ATP2A2: variants seen among roughly 807,000 people sequenced by gnomAD.
ATP2A2 encodes ATPase sarcoplasmic/endoplasmic reticulum Ca2+ transporting 2.
A neutral mutation model predicts 109.3 loss-of-function variants in ATP2A2; 14 were observed. That is an observed-to-expected ratio of 0.13 (90% CI 0.08 to 0.20). The LOEUF is 0.20. Ranked by LOEUF, ATP2A2 falls within the 10% of genes least tolerant of loss-of-function variation. The probability of loss-of-function intolerance (pLI) is 1.00; values close to 1 mark genes in which losing one functional copy is unlikely to be tolerated. For missense variants in ATP2A2, 657 were observed against 1,321.6 expected, an observed-to-expected ratio of 0.50 and a Z score of 7.80; for synonymous variants, 506 against 490.9, an observed-to-expected ratio of 1.03 and a Z score of -0.41.
At chr12:110,292,741 C>G (rs566664483) in intron 4 of ATP2A2, among the ~76,000 whole-genome samples, 1 of 152,218 alleles carries the variant, frequency 6.6e-6, no homozygotes, top group Non-Finnish European at 1.5e-5. Flanking sequence ...GAGCCATGAT[C>G]GTAACACTGC....
intron 3 of ATP2A2, among the ~76,000 whole-genome samples, chr12:110,286,432 A>C (rs555618334): frequency 6.6e-6 from 1 of 152,328 alleles, no homozygotes; most frequent in African/African-American, 2.4e-5. Context: ...TGATTGGTTT[A>C]ACTAGTTTAT....
At position 110,337,881 on chromosome 12, in the gene ATP2A2, T is replaced by C. The variant is rs184363662; in HGVS notation, c.1420-1400T>C. Among the ~76,000 whole-genome samples the C allele has an allele frequency of 7.9e-5, 12 of 152,354 alleles. 1 individual carries two copies. The highest frequency in any genetic ancestry group is 2.6e-4 in the Admixed American group (4 of 15,302). On this transcript the variant is annotated intron_variant, in intron 11 of 19. Coordinates refer to ENST00000539276, the MANE Select transcript of ATP2A2 (RefSeq NM_170665.4). Reference sequence around the variant, plus strand: ...GAATTCTCACCATTTCTATGCAGTATTATACTGGCATTCCTGGTCTGTGTA... The same window carrying C: ...GAATTCTCACCATTTCTATGCAGTACTATACTGGCATTCCTGGTCTGTGTA...
At chr12:110,298,813 T>TG (rs1242215877) in intron 5 of ATP2A2, among the ~76,000 whole-genome samples, 1 of 152,264 alleles carries the variant, frequency 6.6e-6, no homozygotes, top group Non-Finnish European at 1.5e-5. Context: ...TATGAACTGT[T>TG]GAAGGGTATA....
rs1398829002 is a variant in ATP2A2, at chr12:110,350,725, T to C, written c.*4255T>C. On this transcript the variant is annotated 3_prime_UTR_variant, in exon 20 of 20. Coordinates refer to ENST00000539276, the MANE Select transcript of ATP2A2 (RefSeq NM_170665.4). ...TAGCCAGATCCCTCTCCAGTGACAT[T>C]GGAACATGCTACTTTTTAATTGGCC... 2 of 242,634 alleles carry C rather than the reference T, an allele frequency of 8.2e-6. No individual in the cohort carries two copies. Among genetic ancestry groups the C allele is most frequent in the South Asian group, 5.8e-5 (1 of 17,206 alleles). 15.0% of individuals were successfully genotyped at this position (242,634 alleles called of 1,614,324 possible). A position where few individuals can be genotyped will look rare whatever the true frequency, so the allele number is the denominator to read the frequency against.
Position 110,311,120 on chromosome 12 carries a change from G to A in ATP2A2, c.464-11872G>A, listed in dbSNP as rs1875987659. On this transcript the variant is annotated intron_variant, in intron 5 of 19. Coordinates refer to ENST00000539276, the MANE Select transcript of ATP2A2 (RefSeq NM_170665.4). ...TTTTTTTTGCTTTTAGAAAGCTGTT[G>A]GGGTTGGAATTGACTGGCTTTAAAC... Among the ~76,000 whole-genome samples, 4 of 152,162 alleles carry A rather than the reference G, an allele frequency of 2.6e-5. No individual in the cohort carries two copies. The South Asian group carries it at 8.3e-4, about 32-fold the overall frequency.
chr12:110,283,016 A>C (rs1214417600), intron 3 of ATP2A2, among the ~76,000 whole-genome samples: 1 of 152,220 alleles, frequency 6.6e-6, no homozygotes, highest in African/African-American at 2.4e-5. Flanking sequence ...TGTGGTTAGG[A>C]GTTGTCCCAG....
At chr12:110,294,002 G>C (rs946572317) in intron 4 of ATP2A2, among the ~76,000 whole-genome samples, 1 of 149,884 alleles carries the variant, frequency 6.7e-6, no homozygotes, top group Non-Finnish European at 1.5e-5. Context: ...TCAGCTTCCC[G>C]AGTAGCTGGG....
At chr12:110,300,141 CCCCT>C in intron 5 of ATP2A2, among the ~76,000 whole-genome samples, 2 of 142,618 alleles carry the variant, frequency 1.4e-5, no homozygotes, top group African/African-American at 2.6e-5. Context: ...CCCCTCCCCT[CCCCT>C]CCTTCTGTCC....
rs1269970188 is a variant in ATP2A2 at position 110,349,548 on chromosome 12, G to C, written c.*3078G>C. On this transcript the variant is annotated 3_prime_UTR_variant, in exon 20 of 20. Coordinates refer to ENST00000539276, the MANE Select transcript of ATP2A2 (RefSeq NM_170665.4). ...TTGAGCTCAGTGAGCTCCCAGGCAA[G>C]CAGGGCATCTGGCCGACTTCCCTCA... The C allele has an allele frequency of 1.0e-6, 1 of 986,436 alleles. No individual in the cohort carries two copies. Among genetic ancestry groups the C allele is most frequent in the African/African-American group, 1.7e-5 (1 of 57,252 alleles). 61.1% of individuals were successfully genotyped at this position (986,436 alleles called of 1,614,324 possible).
At chr12:110,294,265 G>T (rs577298600) in intron 4 of ATP2A2, among the ~76,000 whole-genome samples, 2 of 152,022 alleles carry the variant, frequency 1.3e-5, no homozygotes, top group Admixed American at 6.6e-5. Flanking sequence ...GGATGGTCTC[G>T]ATCTCCTGAC....
At chr12:110,292,992 A>G (rs1322596818) in intron 4 of ATP2A2, among the ~76,000 whole-genome samples, 3 of 152,152 alleles carry the variant, frequency 2.0e-5, no homozygotes, top group African/African-American at 4.8e-5. Context: ...AGTGCTTACT[A>G]CAGACTCTGA....
rs2137889327 is a variant in ATP2A2 at position 110,350,559 on chromosome 12, T to C, written c.*4089T>C. On this transcript the variant is annotated 3_prime_UTR_variant, in exon 20 of 20. Transcript: ENST00000539276. ...AGCCTCTCCAGAGAAGTTTGGTTTC[T>C]TTGCTGCAAGAGGAATGAGGCTCTG... The C allele has an allele frequency of 1.7e-6, 1 of 597,418 alleles. No homozygotes were observed. Among genetic ancestry groups the C allele is most frequent in the Admixed American group, 3.1e-5 (1 of 31,916 alleles). The allele number at this position is 597,418 out of a possible 1,614,324, so 37.0% of individuals were successfully genotyped here.
At chr12:110,293,699 C>T (rs12301974) in intron 4 of ATP2A2, among the ~76,000 whole-genome samples, 3 of 151,592 alleles carry the variant, frequency 2.0e-5, no homozygotes, top group Non-Finnish European at 2.9e-5. Context: ...CCCGACACAT[C>T]TTATAAACAT....
chr12:110,347,296 T>TA lies in ATP2A2; in HGVS notation c.*830dup. 3.2e-6 allele frequency: 4 copies of TA among 1,262,010 alleles called. No homozygotes were observed. Among genetic ancestry groups the TA allele is most frequent in the Non-Finnish European group, 4.1e-6 (4 of 972,530 alleles). 78.2% of individuals were successfully genotyped at this position (1,262,010 alleles called of 1,614,324 possible). A position where few individuals can be genotyped will look rare whatever the true frequency, so the allele number is the denominator to read the frequency against. On this transcript the variant is annotated 3_prime_UTR_variant, in exon 20 of 20. Transcript: ENST00000539276. ...GGCACGTCATCTAGTTTTAAAAAAA[T>TA]AAAACATTTTAAATGGACAGAGAAA...
upstream of ATP2A2, chr12:110,280,921 C>G (rs1188858445): frequency 6.6e-6 from 1 of 152,520 alleles, no homozygotes; most frequent in East Asian, 1.9e-4. Context: ...CCACCGGCCC[C>G]AGAGCAGCGT....
At chr12:110,309,690 G>C (rs1875793049) in intron 5 of ATP2A2, among the ~76,000 whole-genome samples, 1 of 152,026 alleles carries the variant, frequency 6.6e-6, no homozygotes, top group African/African-American at 2.4e-5. Context: ...CAGATCACTT[G>C]AGTCCAGGAG....
At position 110,342,310 on chromosome 12, in the gene ATP2A2, A is replaced by G. The variant is rs1879431791; in HGVS notation, c.2180A>G (p.Lys727Arg). ...IAMGSGTAVA[K>R]TASEMVLADD... ...ATGGGCTCTGGCACTGCGGTGGCTA[A>G]AACCGCCTCTGAGATGGTCCTGGCG... The change falls in exon 15 of 20, where the codon AAA becomes AGA. Residue 727 changes from lysine to arginine, a missense_variant. Lys to Arg is a conservative substitution (Grantham distance 26). This residue lies in a region of ATP2A2 where 50 missense variants were observed against 176.9 expected (regional missense o/e 0.28). Coordinates refer to ENST00000539276, the MANE Select transcript of ATP2A2 (RefSeq NM_170665.4). The surrounding 1 kb of genome is among the most constrained non-coding windows in gnomAD (Gnocchi z 4.6). The G allele has an allele frequency of 6.2e-7, 1 of 1,614,216 alleles. No individual in the cohort carries two copies. The highest frequency in any genetic ancestry group is 1.3e-5 in the African/African-American group (1 of 75,056).
At chr12:110,331,243 A>G (rs1016320857) in intron 8 of ATP2A2, 1 of 148,368 alleles carries the variant, frequency 6.7e-6, no homozygotes, top group African/African-American at 2.5e-5. Context: ...CTCCACCTCA[A>G]AAAAAAAAAA....
At chr12:110,288,660 C>T (rs1037115704) in intron 3 of ATP2A2, among the ~76,000 whole-genome samples, 1 of 152,152 alleles carries the variant, frequency 6.6e-6, no homozygotes, top group African/African-American at 2.4e-5. Flanking sequence ...CCACCTCAGC[C>T]TCCCAAAGTG....
Sources: gnomAD v4.1 joint callset for allele counts (sites outside exome capture counted in the v4.1 genomes callset) on GRCh38, gnomAD v4.1.1 for gene constraint, gnomAD v4.1.1 regional missense constraint, Gnocchi (gnomAD v3.1) non-coding constraint, MANE v1.5 for transcripts, NCBI Gene and HGNC (gene_info 2026-07-23, HGNC 2026-07-21) for gene names.